UST: variants seen among roughly 807,000 people sequenced by gnomAD.
UST encodes uronyl 2-sulfotransferase, also known as chondroitin sulfate 2-O-sulfotransferase.
Under a neutral mutation model 45.6 loss-of-function variants are expected in UST, and 21 were observed. That is an observed-to-expected ratio of 0.46 (90% CI 0.33 to 0.66). UST has a LOEUF of 0.66. Ranked by LOEUF, UST falls within the 30% of genes least tolerant of loss-of-function variation. The probability of loss-of-function intolerance (pLI) is 0.02; values close to 1 mark genes in which losing one functional copy is unlikely to be tolerated. For missense variants in UST, 463 were observed against 512.4 expected (o/e 0.90, Z 0.93); for synonymous variants, 215 against 200.6 (o/e 1.07, Z -0.61).
At chr6:149,046,295 G>A (rs1050950324) in intron 7 of UST, among the ~76,000 whole-genome samples, 1 of 152,190 alleles carries the variant, frequency 6.6e-6, no homozygotes, top group African/African-American at 2.4e-5. Flanking sequence ...AGTGTTATAA[G>A]TTGGTCCCAA....
chr6:148,970,276 T>C (rs1285966797), intron 5 of UST, among the ~76,000 whole-genome samples: 1 of 152,128 alleles, frequency 6.6e-6, no homozygotes, highest in African/African-American at 2.4e-5. Flanking sequence ...AATAGAATGC[T>C]ACCCCCTGCC....
At chr6:148,854,853 G>T (rs1327831018) in intron 1 of UST, among the ~76,000 whole-genome samples, 1 of 152,146 alleles carries the variant, frequency 6.6e-6, no homozygotes, top group Non-Finnish European at 1.5e-5. Context: ...TAATTATTCC[G>T]ATGTTAATTA....
intron 1 of UST, among the ~76,000 whole-genome samples, chr6:148,871,523 G>A (rs189482858): frequency 6.6e-6 from 1 of 152,090 alleles, no homozygotes; most frequent in Non-Finnish European, 1.5e-5. Context: ...GCACAGGCCT[G>A]GTCTCCTATG....
At chr6:148,980,944 C>G (rs1346234922) in intron 5 of UST, among the ~76,000 whole-genome samples, 1 of 152,012 alleles carries the variant, frequency 6.6e-6, no homozygotes, top group Non-Finnish European at 1.5e-5. Flanking sequence ...AGGCTGGTCT[C>G]AAACTCCTAA....
intron 2 of UST, among the ~76,000 whole-genome samples, chr6:148,932,396 T>C (rs1779938628): frequency 6.6e-6 from 1 of 152,132 alleles, no homozygotes; most frequent in South Asian, 2.1e-4. Context: ...AAGGAAACTG[T>C]AACATTCTGT....
intron 1 of UST, among the ~76,000 whole-genome samples, chr6:148,831,646 C>T (rs1438908225): frequency 2.0e-5 from 3 of 152,094 alleles, no homozygotes; most frequent in Non-Finnish European, 2.9e-5. Context: ...ATAAGGAAAA[C>T]TAGCTGAGTG....
chr6:148,891,949 G>C (rs972222977), intron 2 of UST, among the ~76,000 whole-genome samples: 2 of 152,088 alleles, frequency 1.3e-5, no homozygotes, highest in African/African-American at 4.8e-5. Flanking sequence ...GTAAATTTTG[G>C]TATACAGACT....
intron 1 of UST, among the ~76,000 whole-genome samples, chr6:148,785,201 A>T (rs895332075): frequency 2.9e-5 from 4 of 137,536 alleles, no homozygotes; most frequent in South Asian, 4.6e-4. Flanking sequence ...ACTCCATCTT[A>T]AAAAAAAAAA....
chr6:149,043,034 T>C (rs564990150), intron 7 of UST, among the ~76,000 whole-genome samples: 2 of 138,336 alleles, frequency 1.4e-5, no homozygotes, highest in African/African-American at 6.3e-5. Context: ...TCTTTCTTTC[T>C]TTCTTTCTTT....
At chr6:148,883,609 C>A (rs1261580990) in intron 1 of UST, among the ~76,000 whole-genome samples, 2 of 152,170 alleles carry the variant, frequency 1.3e-5, no homozygotes, top group African/African-American at 4.8e-5. Context: ...ATGCATTATT[C>A]CACTTAATCC....
chr6:148,949,468 A>G (rs1780321605), intron 3 of UST, among the ~76,000 whole-genome samples: 1 of 151,280 alleles, frequency 6.6e-6, no homozygotes, highest in East Asian at 1.9e-4. Context: ...TGAGGATTAA[A>G]TGACACCATA....
At chr6:148,759,847 C>CA (rs71554421) in intron 1 of UST, among the ~76,000 whole-genome samples, 22,212 of 58,280 alleles carry the variant, frequency 0.38, 4,959 homozygotes, top group Non-Finnish European at 0.47. Flanking sequence ...GACTCTGTCT[C>CA]AAAAAAAAAA....
At chr6:149,028,834 A>G (rs1185613399) in intron 7 of UST, among the ~76,000 whole-genome samples, 1 of 152,180 alleles carries the variant, frequency 6.6e-6, no homozygotes, top group Non-Finnish European at 1.5e-5. Context: ...ACTACCCTTA[A>G]CTTATGCTGA....
At chr6:148,759,356 T>C (rs1366346965) in intron 1 of UST, among the ~76,000 whole-genome samples, 1 of 150,904 alleles carries the variant, frequency 6.6e-6, no homozygotes, top group Non-Finnish European at 1.5e-5. Flanking sequence ...AAACCCCGTC[T>C]CTACTAAAAA....
intron 5 of UST, chr6:149,005,294 T>C: frequency 1.0e-6 from 1 of 985,460 alleles, no homozygotes; most frequent in South Asian, 4.7e-5. Flanking sequence ...CCCTCTCTTC[T>C]GGGTCCAGGA....
intron 7 of UST, among the ~76,000 whole-genome samples, chr6:149,067,108 A>T (rs1014078038): frequency 5.9e-5 from 9 of 152,214 alleles, no homozygotes; most frequent in African/African-American, 1.4e-4. Flanking sequence ...CAATGCTCAG[A>T]CAATGGAAGG....
chr6:148,813,041 C>G (rs912430199), intron 1 of UST, among the ~76,000 whole-genome samples: 1 of 152,130 alleles, frequency 6.6e-6, no homozygotes, highest in Non-Finnish European at 1.5e-5. Flanking sequence ...TTAAGGTATT[C>G]ATGTATATAT....
chr6:148,964,397 A>C lies in UST; in HGVS notation c.528-13A>C. On this transcript the variant is annotated splice_polypyrimidine_tract_variant and intron_variant, in intron 4 of 7. Transcript: ENST00000367463. ...GCAGTGATGGGTTGTAACGAACTCA[A>C]TGTTTGTGTTAGGTTTGGAGGAGAC... 6.2e-7 allele frequency: 1 copy of C among 1,613,908 alleles called. No individual in the cohort carries two copies. Among genetic ancestry groups the C allele is most frequent in the Middle Eastern group, 1.6e-4 (1 of 6,062 alleles).
intron 3 of UST, among the ~76,000 whole-genome samples, chr6:148,953,632 G>C (rs58411177): frequency 6.6e-6 from 1 of 152,004 alleles, no homozygotes; most frequent in Non-Finnish European, 1.5e-5. Flanking sequence ...TTAGCCGGGC[G>C]TGGTGGCGGG....
Sources: allele counts gnomAD v4.1 joint callset (sites outside exome capture counted in the v4.1 genomes callset), GRCh38; gene constraint gnomAD v4.1.1; transcripts MANE v1.5; gene names NCBI Gene and HGNC (gene_info 2026-07-23, HGNC 2026-07-21).